Variants in SNRPN observed in about 807,000 individuals in gnomAD.
SNRPN encodes small nuclear ribonucleoprotein-associated protein N.
In SNRPN, 7 loss-of-function variants were observed where a neutral mutation model predicts 25.2. The ratio of observed to expected loss-of-function variants is 0.28; its 90% CI spans 0.16 to 0.52. SNRPN has a LOEUF of 0.52. Among genes scored for constraint, SNRPN ranks in the 20% least tolerant of loss-of-function variants. SNRPN has a pLI of 0.96. For synonymous variants in SNRPN, 124 were observed against 110.6 expected, an observed-to-expected ratio of 1.12 and a Z score of -0.76; for missense variants, 196 against 322.5, an observed-to-expected ratio of 0.61 and a Z score of 3.00.
intron 3 of SNRPN, among the ~76,000 whole-genome samples, chr15:24,930,832 G>A (rs1022257151): frequency 6.6e-6 from 1 of 151,708 alleles, no homozygotes; most frequent in Admixed American, 6.6e-5. Context: ...CTGGGAGGTG[G>A]AGGTTGCAGC....
intron 1 of SNRPN, among the ~76,000 whole-genome samples, chr15:24,884,536 G>A (rs1233953164): frequency 1.3e-5 from 2 of 152,130 alleles, no homozygotes; most frequent in Non-Finnish European, 2.9e-5. Context: ...CACAGACCAC[G>A]TTTCTCACCA....
upstream of SNRPN, among the ~76,000 whole-genome samples, chr15:24,853,759 T>A (rs191716970): frequency 1.3e-5 from 2 of 152,310 alleles, no homozygotes; most frequent in Admixed American, 1.3e-4. Context: ...CAATGTTACA[T>A]ACTAATAGCA....
chr15:24,976,536 A>G (rs979989416), intron 6 of SNRPN, 120 bp downstream of exon 6: 2 of 764,518 alleles, frequency 2.6e-6, no homozygotes, highest in South Asian at 1.6e-5. Context: ...AAAATGTGCC[A>G]GGCACTTAAT....
chr15:24,930,867 C>G (rs2060800904), intron 3 of SNRPN, among the ~76,000 whole-genome samples: 1 of 151,200 alleles, frequency 6.6e-6, no homozygotes. Context: ...CCACTGTACT[C>G]CAGCTTGGGC....
Position 24,827,503 on chromosome 15 carries a change from G to A in SNRPN, c.-686-2295G>A, listed in dbSNP as rs1465564481. On this transcript the variant is annotated intron_variant, in intron 1 of 12. Transcript: ENST00000400100. The stretch of plus-strand genomic sequence containing the variant: ...TGCACTCTGGCCTGGGTGAAAGAGC[G>A]AGACTCTGTCTCAAAAAAAAAAAAA... 2.4e-5 allele frequency among the ~76,000 whole-genome samples: 3 copies of A among 126,630 alleles called. No individual in the cohort carries two copies. The East Asian group carries it at 6.9e-4, about 29-fold the overall frequency. The allele number at this position is 126,630 out of a possible 152,430, so 83.1% of individuals were successfully genotyped here.
intron 3 of SNRPN, among the ~76,000 whole-genome samples, chr15:24,931,297 T>C (rs2060835832): frequency 6.6e-6 from 1 of 152,170 alleles, no homozygotes; most frequent in African/African-American, 2.4e-5. Context: ...TTAATTATGT[T>C]AAAGAAAAAC....
At chr15:24,913,381 G>A (rs754175301) in intron 2 of SNRPN, among the ~76,000 whole-genome samples, 1 of 152,090 alleles carries the variant, frequency 6.6e-6, no homozygotes, top group Admixed American at 6.6e-5. Flanking sequence ...AGTGGCTCAC[G>A]CCTGTAATCT....
At chr15:24,953,692 AATGAACT>A (rs2062462858), upstream of SNRPN, among the ~76,000 whole-genome samples, 1 of 152,218 alleles carries the variant, frequency 6.6e-6, no homozygotes, top group South Asian at 2.1e-4. Context: ...AATATGTATC[AATGAACT>A]ATTAGAAATT....
chr15:24,917,602 T>A (rs1409346548), intron 2 of SNRPN, among the ~76,000 whole-genome samples: 1 of 152,200 alleles, frequency 6.6e-6, no homozygotes, highest in East Asian at 1.9e-4. Flanking sequence ...GCCTGGGGTA[T>A]TCTGGGAAGG....
chr15:24,972,538 ATTCTT>A lies in SNRPN; in HGVS notation c.-143-1770_-143-1766del, dbSNP rs1466162056. 2.4e-3 allele frequency among the ~76,000 whole-genome samples: 339 copies of A among 138,566 alleles called. 1 individual carries two copies. The highest frequency in any genetic ancestry group is 8.6e-3 in the African/African-American group (323 of 37,432). 90.9% of individuals were successfully genotyped at this position (138,566 alleles called of 152,430 possible). A position where few individuals can be genotyped will look rare whatever the true frequency, so the allele number is the denominator to read the frequency against. On this transcript the variant is annotated intron_variant, in intron 3 of 9. Coordinates refer to ENST00000390687, the MANE Select transcript of SNRPN (RefSeq NM_003097.6). ...CTGAATGACAGCCAGGCATTAGAGT[ATTCTT>A]TTTTTTTTTTTTTTTTTGAGATGGA...
intron 3 of SNRPN, among the ~76,000 whole-genome samples, chr15:24,938,113 C>CT (rs2061341672): frequency 7.5e-6 from 1 of 133,688 alleles, no homozygotes; most frequent in Non-Finnish European, 1.6e-5. Flanking sequence ...GCTTCTAATT[C>CT]GTTTTTTTTT....
At chr15:24,856,298 A>G (rs912577396), upstream of SNRPN, among the ~76,000 whole-genome samples, 4 of 152,164 alleles carry the variant, frequency 2.6e-5, no homozygotes, top group Admixed American at 2.6e-4. Context: ...GTTCTTGTGA[A>G]TCTTAGACAA....
intron 3 of SNRPN, among the ~76,000 whole-genome samples, chr15:24,935,180 G>A (rs2061142637): frequency 6.6e-6 from 1 of 151,960 alleles, no homozygotes; most frequent in African/African-American, 2.4e-5. Context: ...GCTGAGGCAG[G>A]AGAATTGCCT....
chr15:24,908,045 T>G (rs1232333072), intron 2 of SNRPN, among the ~76,000 whole-genome samples: 1 of 81,858 alleles, frequency 1.2e-5, no homozygotes, highest in African/African-American at 5.2e-5. Flanking sequence ...AGAGCTAGAC[T>G]CCATCTCAAA....
chr15:24,974,520 A>G (rs1261956355), intron 4 of SNRPN, 64 bp downstream of exon 4: 13 of 1,473,430 alleles, frequency 8.8e-6, no homozygotes, highest in Admixed American at 1.7e-5. Flanking sequence ...ATAGTTTGCC[A>G]GCATGTGCAG....
intron 3 of SNRPN, among the ~76,000 whole-genome samples, chr15:24,928,645 A>ATT (rs137945695): frequency 6.6e-6 from 1 of 151,474 alleles, no homozygotes; most frequent in African/African-American, 2.4e-5. Context: ...TCCCTCTTTT[A>ATT]TTTTTTTTGA....
intron 2 of SNRPN, among the ~76,000 whole-genome samples, chr15:24,844,198 C>A (rs900232252): frequency 1.3e-5 from 2 of 151,594 alleles, no homozygotes; most frequent in East Asian, 1.9e-4. Flanking sequence ...GTATATATAT[C>A]GACTCTTAAT....
chr15:24,929,598 G>A lies in SNRPN; in HGVS notation c.-391+9474G>A, dbSNP rs1190679378. On this transcript the variant is annotated intron_variant, in intron 3 of 11. Transcript: ENST00000400097. The surrounding 1 kb of genome is among the most constrained non-coding windows in gnomAD (Gnocchi z 5.3). ...TGGCAGACTGTCTCCTTGAGTTCTGGGTGGCAGAAATGGCCCAGGGCCCTG... is the reference window on the plus strand; with the variant it reads ...TGGCAGACTGTCTCCTTGAGTTCTGAGTGGCAGAAATGGCCCAGGGCCCTG... Among the ~76,000 whole-genome samples, 1 of 151,990 alleles carries A rather than the reference G, an allele frequency of 6.6e-6. No homozygotes were observed. The highest frequency in any genetic ancestry group is 1.5e-5 in the Non-Finnish European group (1 of 68,012).
At chr15:24,826,089 T>C (rs569738494) in intron 1 of SNRPN, among the ~76,000 whole-genome samples, 2 of 152,214 alleles carry the variant, frequency 1.3e-5, no homozygotes, top group South Asian at 4.1e-4. Context: ...ATGAATAAGA[T>C]GAAAGAGTTG....
Sources: allele counts gnomAD v4.1 joint callset (sites outside exome capture counted in the v4.1 genomes callset), GRCh38; gene constraint gnomAD v4.1.1; non-coding constraint Gnocchi (gnomAD v3.1); transcripts MANE v1.5; gene names NCBI Gene and HGNC (gene_info 2026-07-23, HGNC 2026-07-21).